LRRC4C: variants seen among roughly 807,000 people sequenced by gnomAD.
The protein encoded by LRRC4C is leucine-rich repeat-containing protein 4C.
In LRRC4C, 5 loss-of-function variants were observed where a neutral mutation model predicts 33.6. The observed-to-expected ratio is 0.15, with a 90% CI of 0.08 to 0.31. The LOEUF is 0.31. LRRC4C is among the 10% of genes least tolerant of loss of function. LRRC4C has a pLI of 1.00. For synonymous variants in LRRC4C, 329 were observed against 302.0 expected, an observed-to-expected ratio of 1.09 and a Z score of -0.93; for missense variants, 560 against 796.7, an observed-to-expected ratio of 0.70 and a Z score of 3.58.
At chr11:40,789,989 G>A (rs1950561255) in intron 2 of LRRC4C, among the ~76,000 whole-genome samples, 1 of 152,132 alleles carries the variant, frequency 6.6e-6, no homozygotes, top group South Asian at 2.1e-4. Context: ...TTGAACTGAA[G>A]TTTTTTGAGA....
At position 40,537,863 on chromosome 11, in the gene LRRC4C, C is replaced by A. The variant is rs77018851; in HGVS notation, c.-270+110279G>T. Reference sequence around the variant, plus strand: ...AAGAGTTTGTGTATAGATTGGAAAGCTAGTAAATTCCTGAGTGGCTGTAGC... The same window carrying A: ...AAGAGTTTGTGTATAGATTGGAAAGATAGTAAATTCCTGAGTGGCTGTAGC... On this transcript the variant is annotated intron_variant, in intron 3 of 6. Coordinates refer to ENST00000528697, the MANE Select transcript of LRRC4C (RefSeq NM_001258419.2). 5.7e-3 allele frequency among the ~76,000 whole-genome samples: 868 copies of A among 152,236 alleles called. 6 individuals carry two copies. The highest frequency in any genetic ancestry group is 0.02 in the African/African-American group (838 of 41,554).
intron 2 of LRRC4C, among the ~76,000 whole-genome samples, chr11:40,887,021 C>A (rs1047660889): frequency 2.0e-5 from 3 of 146,360 alleles, no homozygotes; most frequent in African/African-American, 7.7e-5. Flanking sequence ...CACACACATA[C>A]GAGAAAATAT....
intron 1 of LRRC4C, among the ~76,000 whole-genome samples, chr11:41,402,963 C>T (rs1449549326): frequency 2.0e-5 from 3 of 152,022 alleles, no homozygotes; most frequent in Admixed American, 6.6e-5. Context: ...TACATGTTCA[C>T]GCCGTAAATC....
At chr11:40,531,288 C>T (rs937880792) in intron 3 of LRRC4C, among the ~76,000 whole-genome samples, 5 of 152,036 alleles carry the variant, frequency 3.3e-5, no homozygotes, top group Non-Finnish European at 7.4e-5. Flanking sequence ...TGATCCTGCC[C>T]ATTTCACCTC....
intron 1 of LRRC4C, among the ~76,000 whole-genome samples, chr11:41,140,546 C>T (rs918812780): frequency 6.6e-6 from 1 of 152,212 alleles, no homozygotes; most frequent in Non-Finnish European, 1.5e-5. Context: ...TCTCAACAAC[C>T]TCTAACAAAA....
intron 3 of LRRC4C, among the ~76,000 whole-genome samples, chr11:40,637,651 C>T (rs1048573623): frequency 7.2e-5 from 11 of 152,152 alleles, no homozygotes; most frequent in African/African-American, 1.2e-4. Context: ...TTTCTTACAA[C>T]CTGTCTTTAA....
chr11:40,287,935 C>A (rs932306670), intron 4 of LRRC4C, among the ~76,000 whole-genome samples: 1 of 152,102 alleles, frequency 6.6e-6, no homozygotes, highest in Admixed American at 6.5e-5. Context: ...TAGTCTATGC[C>A]AATGTGAACT....
intron 3 of LRRC4C, among the ~76,000 whole-genome samples, chr11:40,377,247 T>A (rs1052655172): frequency 6.6e-6 from 1 of 152,166 alleles, no homozygotes; most frequent in Non-Finnish European, 1.5e-5. Context: ...AGTGGTTTTA[T>A]CACTCTTGTC....
intron 3 of LRRC4C, among the ~76,000 whole-genome samples, chr11:40,474,996 T>G (rs1186932744): frequency 6.6e-6 from 1 of 152,178 alleles, no homozygotes; most frequent in Non-Finnish European, 1.5e-5. Context: ...TCTTTTACAC[T>G]GTTGGTGGGA....
chr11:40,780,288 G>A (rs1950165776), intron 2 of LRRC4C, among the ~76,000 whole-genome samples: 1 of 152,094 alleles, frequency 6.6e-6, no homozygotes, highest in Non-Finnish European at 1.5e-5. Flanking sequence ...AAGTTTGAAT[G>A]TATTTATGGT....
At chr11:40,119,535 A>C (rs1855674859) in intron 6 of LRRC4C, among the ~76,000 whole-genome samples, 1 of 152,126 alleles carries the variant, frequency 6.6e-6, no homozygotes, top group South Asian at 2.1e-4. Flanking sequence ...GATTCCTCTT[A>C]GCCTATTGCC....
At chr11:40,154,068 G>C (rs1590546979) in intron 5 of LRRC4C, among the ~76,000 whole-genome samples, 1 of 152,254 alleles carries the variant, frequency 6.6e-6, no homozygotes, top group East Asian at 1.9e-4. Flanking sequence ...AAATCTATCA[G>C]ATGAACAGCA....
intron 2 of LRRC4C, among the ~76,000 whole-genome samples, chr11:40,748,736 C>T (rs112248487): frequency 5.9e-5 from 9 of 151,920 alleles, no homozygotes; most frequent in South Asian, 2.1e-4. Context: ...CTACTAGAAA[C>T]GCACTTTACC....
intron 3 of LRRC4C, among the ~76,000 whole-genome samples, chr11:40,525,304 G>A (rs1272876306): frequency 2.6e-5 from 4 of 152,062 alleles, no homozygotes; most frequent in Non-Finnish European, 5.9e-5. Context: ...AAATTAGTCA[G>A]GTGTGGTGCC....
intron 1 of LRRC4C, among the ~76,000 whole-genome samples, chr11:41,397,232 T>C (rs1953854092): frequency 6.6e-6 from 1 of 151,922 alleles, no homozygotes. Context: ...CAGTAAATGC[T>C]ACACTGATAT....
intron 1 of LRRC4C, among the ~76,000 whole-genome samples, chr11:41,320,842 A>G (rs1274642769): frequency 1.3e-5 from 2 of 152,002 alleles, no homozygotes; most frequent in Admixed American, 6.5e-5. Context: ...GGAAGAATCT[A>G]CCTCCCAACA....
chr11:40,123,357 T>G (rs1855972519), intron 6 of LRRC4C, among the ~76,000 whole-genome samples: 1 of 152,116 alleles, frequency 6.6e-6, no homozygotes, highest in African/African-American at 2.4e-5. Flanking sequence ...CTAAGGACTC[T>G]ACCAAAAAAC....
intron 1 of LRRC4C, among the ~76,000 whole-genome samples, chr11:41,257,372 A>G (rs1055975308): frequency 1.3e-5 from 2 of 152,032 alleles, no homozygotes; most frequent in Admixed American, 6.6e-5. Flanking sequence ...AGGCTGAGAC[A>G]CAATCACATT....
At chr11:40,685,150 A>C (rs1050922172) in intron 2 of LRRC4C, among the ~76,000 whole-genome samples, 1 of 152,078 alleles carries the variant, frequency 6.6e-6, no homozygotes, top group Non-Finnish European at 1.5e-5. Flanking sequence ...CTAAAAAAAT[A>C]AAACACAAGA....
Sources: gnomAD v4.1 joint callset for allele counts (sites outside exome capture counted in the v4.1 genomes callset) on GRCh38, gnomAD v4.1.1 for gene constraint, MANE v1.5 for transcripts, NCBI Gene and HGNC (gene_info 2026-07-23, HGNC 2026-07-21) for gene names.